The following PCID2 variants were observed in gnomAD, a reference collection of about 807,000 sequenced individuals.
PCID2 encodes the protein PCI domain-containing protein 2.
A neutral mutation model predicts 61.3 loss-of-function variants in PCID2; 41 were observed. The ratio of observed to expected loss-of-function variants is 0.67; its 90% confidence interval spans 0.52 to 0.87. The LOEUF (loss-of-function observed/expected upper bound fraction) is 0.87. Among genes scored for constraint, PCID2 ranks in the 40% least tolerant of loss-of-function variants. The pLI, the probability that PCID2 is intolerant of heterozygous loss-of-function variation, is 0.00. For synonymous variants in PCID2, 187 were observed against 177.8 expected, an observed-to-expected ratio of 1.05 and a Z score of -0.41; for missense variants, 392 against 493.4, an observed-to-expected ratio of 0.79 and a Z score of 1.95.
At chr13:113,208,225 C>T (rs2040078590) in intron 1 of PCID2, 1 of 1,509,136 alleles carries the variant, frequency 6.6e-7, no homozygotes. Flanking sequence ...AAACAGCGTC[C>T]ATCCGACACA....
chr13:113,193,955 C>T (rs1335566941), intron 6 of PCID2, among the ~76,000 whole-genome samples: 2 of 152,122 alleles, frequency 1.3e-5, no homozygotes, highest in African/African-American at 4.8e-5. Context: ...TAATCAGTGT[C>T]GATTAGATCC....
chr13:113,178,050 T>C lies in PCID2; in HGVS notation c.*148A>G, dbSNP rs900351827. On this transcript the variant is annotated 3_prime_UTR_variant, in exon 14 of 14. Coordinates refer to ENST00000337344, the MANE Select transcript of PCID2 (RefSeq NM_001127202.4). Reference sequence around the variant, plus strand: ...ATGAAGGAGATTAACTCGGGTGTGCTGAAAATCTCAGCCTCAGCATCCCTG... The same window carrying C: ...ATGAAGGAGATTAACTCGGGTGTGCCGAAAATCTCAGCCTCAGCATCCCTG... 2 of 549,070 alleles carry C rather than the reference T, an allele frequency of 3.6e-6. No individual in the cohort carries two copies. The highest frequency in any genetic ancestry group is 2.3e-5 in the South Asian group (1 of 44,380). 34.0% of individuals were successfully genotyped at this position (549,070 alleles called of 1,614,324 possible).
chr13:113,179,333 T>G lies in PCID2; in HGVS notation c.987-244A>C, dbSNP rs1433518424. Among the ~76,000 whole-genome samples the G allele has an allele frequency of 6.6e-6, 1 of 152,172 alleles. No homozygotes were observed. Among genetic ancestry groups the G allele is most frequent in the Admixed American group, 6.5e-5 (1 of 15,288 alleles). ...AAGTATTTCATTAAGGTTCGGTTTT[T>G]TTTTTCACATTTTAATCTCCCTGAA... On this transcript the variant is annotated intron_variant, in intron 12 of 13. Coordinates refer to ENST00000337344, the MANE Select transcript of PCID2 (RefSeq NM_001127202.4). This position sits in a 1 kb window ranked among gnomAD's most constrained non-coding sequence, Gnocchi z 4.3.
At chr13:113,207,622 G>A (rs1397038790) in intron 1 of PCID2, among the ~76,000 whole-genome samples, 1 of 152,170 alleles carries the variant, frequency 6.6e-6, no homozygotes, top group Non-Finnish European at 1.5e-5. Flanking sequence ...ATTTCTTCGT[G>A]ATTCCTGTTT....
At position 113,179,328 on chromosome 13, in the gene PCID2, GTTT is replaced by G. The variant is rs958594312; in HGVS notation, c.987-242_987-240del. On this transcript the variant is annotated intron_variant, in intron 12 of 13. Coordinates refer to ENST00000337344, the MANE Select transcript of PCID2 (RefSeq NM_001127202.4). This position sits in a 1 kb window ranked among gnomAD's most constrained non-coding sequence, Gnocchi z 4.3. ...TTTCTAAGTATTTCATTAAGGTTCG[GTTT>G]TTTTTTTCACATTTTAATCTCCCTG... Among the ~76,000 whole-genome samples the G allele has an allele frequency of 3.4e-5, 5 of 148,730 alleles. No homozygotes were observed. The highest frequency in any genetic ancestry group is 4.3e-4 in the South Asian group (2 of 4,680).
chr13:113,171,546 C>T, the PCID2 span: 1 of 1,612,456 alleles, frequency 6.2e-7, no homozygotes, highest in Non-Finnish European at 8.5e-7. This position sits in a 1 kb window ranked among gnomAD's most constrained non-coding sequence, Gnocchi z 5.1. Context: ...GCATTATGTC[C>T]CCTTGAAAAT....
At chr13:113,191,451 T>A (rs1335717512) in intron 6 of PCID2, among the ~76,000 whole-genome samples, 2 of 152,240 alleles carry the variant, frequency 1.3e-5, no homozygotes, top group Non-Finnish European at 2.9e-5. Context: ...AAGTCTGTAT[T>A]ACTCCAATTC....
chr13:113,205,239 A>G (rs2039723045), intron 1 of PCID2, among the ~76,000 whole-genome samples: 1 of 152,226 alleles, frequency 6.6e-6, no homozygotes, highest in Non-Finnish European at 1.5e-5. Flanking sequence ...CTACACCTGT[A>G]AAAAAGAGAG....
At chr13:113,205,816 G>C (rs2039769283) in intron 1 of PCID2, among the ~76,000 whole-genome samples, 1 of 152,220 alleles carries the variant, frequency 6.6e-6, no homozygotes, top group South Asian at 2.1e-4. Context: ...CGGGAGGGAG[G>C]ACCAGGGAGT....
the PCID2 span, chr13:113,172,050 TCCTTGTCACCAAG>T: frequency 1.2e-6 from 2 of 1,612,930 alleles, no homozygotes; most frequent in Non-Finnish European, 8.5e-7. Flanking sequence ...GCTCACATGG[TCCTTGTCACCAAG>T]GTCTCCAGGT....
chr13:113,171,527 C>T, the PCID2 span: 1 of 1,604,462 alleles, frequency 6.2e-7, no homozygotes, highest in Non-Finnish European at 8.5e-7. The surrounding 1 kb of genome is among the most constrained non-coding windows in gnomAD (Gnocchi z 5.1). Context: ...CCCTGAGAAG[C>T]TCGTTTGAGC....
At chr13:113,172,831 T>A (rs2037139774), downstream of PCID2, among the ~76,000 whole-genome samples, 1 of 152,182 alleles carries the variant, frequency 6.6e-6, no homozygotes, top group African/African-American at 2.4e-5. Context: ...CTGTTCCACC[T>A]CTTCATGCCT....
At position 113,179,769 on chromosome 13, in the gene PCID2, G is replaced by A. The variant is rs1057308783; in HGVS notation, c.986+148C>T. On this transcript the variant is annotated intron_variant, in intron 12 of 13. Transcript: ENST00000337344. The surrounding 1 kb of genome is among the most constrained non-coding windows in gnomAD (Gnocchi z 4.3). The stretch of plus-strand genomic sequence containing the variant: ...GCAGGGTCCCCAGGAGGCAGTGGGC[G>A]GAGGCTTCATTTTATCCCACACAAT... The A allele has an allele frequency of 2.7e-5, 21 of 770,154 alleles. No individual in the cohort carries two copies. The highest frequency in any genetic ancestry group is 3.8e-4 in the Middle Eastern group (1 of 2,660). 47.7% of individuals were successfully genotyped at this position (770,154 alleles called of 1,614,324 possible). A position where few individuals can be genotyped will look rare whatever the true frequency, so the allele number is the denominator to read the frequency against.
At chr13:113,194,099 C>A (rs2038821975) in intron 6 of PCID2, among the ~76,000 whole-genome samples, 1 of 152,172 alleles carries the variant, frequency 6.6e-6, no homozygotes, top group African/African-American at 2.4e-5. Context: ...CCTGCTTAGC[C>A]TCTGACATCC....
chr13:113,208,358 C>A, intron 1 of PCID2: 2 of 1,432,834 alleles, frequency 1.4e-6, no homozygotes, highest in Non-Finnish European at 1.8e-6. Context: ...TACACCGCGA[C>A]GACTCCGCGA....
At chr13:113,203,411 T>G (rs184828328) in intron 1 of PCID2, among the ~76,000 whole-genome samples, 1 of 152,330 alleles carries the variant, frequency 6.6e-6, no homozygotes, top group Admixed American at 6.5e-5. Context: ...AAGTTTCTCT[T>G]CATAGCCCTG....
At chr13:113,196,364 A>G (rs1019768906) in intron 4 of PCID2, 142 bp from the exon 5 acceptor site, 3 of 585,746 alleles carry the variant, frequency 5.1e-6, no homozygotes, top group Non-Finnish European at 9.0e-6. Flanking sequence ...TTCTTGAAGG[A>G]AAAAAGGTAT....
chr13:113,167,582 A>T, the PCID2 span, among the ~76,000 whole-genome samples: 4,884 of 152,330 alleles, frequency 0.032, 112 homozygotes, highest in Middle Eastern at 0.092. Context: ...TGATATAGAC[A>T]CTTTACTTTC....
In PCID2 at chr13:113,185,574, AT is replaced by A. The variant is rs768926484; in HGVS notation, c.468-15del. The A allele has an allele frequency of 5.0e-5, 79 of 1,567,704 alleles. No individual in the cohort carries two copies. The highest frequency in any genetic ancestry group is 5.7e-5 in the Non-Finnish European group (65 of 1,143,772). The stretch of plus-strand genomic sequence containing the variant: ...ATACCAGCACGGCTATGGGGAAATA[AT>A]TTTTTTTAAGTTACATAGGAAATAA... On this transcript the variant is annotated splice_polypyrimidine_tract_variant and intron_variant, in intron 7 of 13. Coordinates refer to ENST00000337344, the MANE Select transcript of PCID2 (RefSeq NM_001127202.4).
Sources: gnomAD v4.1 joint callset for allele counts (sites outside exome capture counted in the v4.1 genomes callset) on GRCh38, gnomAD v4.1.1 for gene constraint, Gnocchi (gnomAD v3.1) non-coding constraint, MANE v1.5 for transcripts, NCBI Gene and HGNC (gene_info 2026-07-23, HGNC 2026-07-21) for gene names.